The following SETD4 variants were observed in gnomAD, a reference collection of about 807,000 sequenced individuals.
The protein encoded by SETD4 is SET domain containing 4, also known as SET domain-containing protein 4.
Under a neutral mutation model 58.3 loss-of-function variants are expected in SETD4, and 46 were observed. The ratio of observed to expected loss-of-function variants is 0.79; its 90% CI spans 0.62 to 1.01. SETD4 has a LOEUF of 1.01. Among genes scored for constraint, SETD4 ranks in the 50% least tolerant of loss-of-function variants. The probability of loss-of-function intolerance (pLI) is 0.00; values close to 1 mark genes in which losing one functional copy is unlikely to be tolerated. For missense variants in SETD4, 490 were observed against 523.3 expected (o/e 0.94, Z 0.62); for synonymous variants, 190 against 202.6 (o/e 0.94, Z 0.53).
intron 8 of SETD4, among the ~76,000 whole-genome samples, chr21:36,041,083 C>A (rs1463539279): frequency 1.4e-5 from 2 of 139,984 alleles, no homozygotes; most frequent in African/African-American, 2.7e-5. Context: ...TGGCGTGAAC[C>A]CGGGAGGCAG....
intron 10 of SETD4, among the ~76,000 whole-genome samples, chr21:36,037,238 C>T (rs2063822326): frequency 6.6e-6 from 1 of 152,146 alleles, no homozygotes; most frequent in African/African-American, 2.4e-5. Flanking sequence ...CTTGATTTAG[C>T]CATCCACGAT....
rs1009140868 is a variant in SETD4 at position 36,034,942 on chromosome 21, G to A, written c.*1051C>T. The A allele has an allele frequency of 2.0e-5, 3 of 152,200 alleles. No individual in the cohort carries two copies. Among genetic ancestry groups the A allele is most frequent in the Non-Finnish European group, 4.4e-5 (3 of 68,026 alleles). 9.4% of individuals were successfully genotyped at this position (152,200 alleles called of 1,614,324 possible). A position where few individuals can be genotyped will look rare whatever the true frequency, so the allele number is the denominator to read the frequency against. Reference sequence around the variant, plus strand: ...AGTGTATATACAAACAGGGAAAGATGTTCAAGAAATCATGAGAAAGTTTTA... The same window carrying A: ...AGTGTATATACAAACAGGGAAAGATATTCAAGAAATCATGAGAAAGTTTTA... On this transcript the variant is annotated 3_prime_UTR_variant, in exon 12 of 12. Coordinates refer to ENST00000332131, the MANE Select transcript of SETD4 (RefSeq NM_017438.5).
Position 36,043,954 on chromosome 21 carries a change from T to C in SETD4, c.729A>G (p.Val243=), listed in dbSNP as rs1415816901. The change falls in exon 7 of 12, where the codon GTA becomes GTG. Residue 243 remains valine (V), a splice_region_variant and synonymous_variant. Coordinates refer to ENST00000332131, the MANE Select transcript of SETD4 (RefSeq NM_017438.5). ...DLLNHSPHVQ[V]KAAFNEETHS... Reference sequence around the variant, plus strand: ...GAGTTTCTTCATTAAACGCTGCTTTTACCTAGAAAGAAAAACTGTTAAGGT... The same window carrying C: ...GAGTTTCTTCATTAAACGCTGCTTTCACCTAGAAAGAAAAACTGTTAAGGT... 1.2e-6 allele frequency: 2 copies of C among 1,613,864 alleles called. No homozygotes were observed. Among genetic ancestry groups the C allele is most frequent in the East Asian group, 2.2e-5 (1 of 44,880 alleles).
rs781639967 is a variant in SETD4, at chr21:36,038,153, T to C, written c.1185A>G (p.Gln395=). 9.9e-6 allele frequency: 16 copies of C among 1,609,792 alleles called. No individual in the cohort carries two copies. In the East Asian group the frequency reaches 3.1e-4, roughly 31 times the overall value. Residue 395 remains glutamine, a synonymous_variant, in exon 10 of 12, where the codon CAA becomes CAG. Transcript: ENST00000332131. ...ATGTCATATTCTAGAAACATACCTT[T>C]TGAAGCACAGCATTAGTCTCTTCTA... ...YFIEETNAVL[Q]KVSHMKDEKE...
At chr21:36,043,543 T>G in intron 7 of SETD4, 1 of 1,345,208 alleles carries the variant, frequency 7.4e-7, no homozygotes, top group Non-Finnish European at 9.5e-7. Context: ...TTTCTTCCAT[T>G]CTATCTTCTG....
intron 2 of SETD4, among the ~76,000 whole-genome samples, chr21:36,058,518 A>G (rs1045067661): frequency 4.4e-5 from 6 of 137,500 alleles, no homozygotes; most frequent in Admixed American, 3.8e-4. Context: ...AAAAAAAAAA[A>G]AAAGAAAGAT....
intron 6 of SETD4, among the ~76,000 whole-genome samples, chr21:36,044,195 A>G (rs1433172022): frequency 1.3e-5 from 2 of 152,228 alleles, no homozygotes; most frequent in African/African-American, 4.8e-5. Flanking sequence ...CACCCGACAC[A>G]GCACAGATGA....
chr21:36,058,665 C>A, intron 2 of SETD4, 151 bp downstream of exon 2: 1 of 838,168 alleles, frequency 1.2e-6, no homozygotes, highest in South Asian at 2.1e-5. Flanking sequence ...TTGCAGTGAG[C>A]CAAGATGACA....
At chr21:36,046,797 C>T (rs528377026) in intron 5 of SETD4, among the ~76,000 whole-genome samples, 1 of 152,370 alleles carries the variant, frequency 6.6e-6, no homozygotes, top group African/African-American at 2.4e-5. Flanking sequence ...AATCCTTCGA[C>T]ATCCAGATTC....
intron 5 of SETD4, among the ~76,000 whole-genome samples, chr21:36,048,036 CAAGG>C (rs1157258824): frequency 2.5e-3 from 265 of 107,370 alleles, no homozygotes; most frequent in South Asian, 6.1e-3. Context: ...GAGAGAGAGA[CAAGG>C]AAGGAAGGAA....
chr21:36,036,154 G>A lies in SETD4; in HGVS notation c.1286C>T (p.Ala429Val), dbSNP rs1163999146. The change falls in exon 11 of 12, where the codon GCC (alanine) becomes GTC (valine). Residue 429 changes from alanine (A) to valine (V), a missense_variant. Transcript: ENST00000332131. The stretch of plus-strand genomic sequence containing the variant: ...TGTTTGCAAACTGTGCAGGGTCTCG[G>A]CAGATGCCCTGAGAATCTTTAGCTC... Reference protein sequence around the residue: ...TEELKILRASAETLHSLQTAF... With the variant: ...TEELKILRASVETLHSLQTAF... The A allele has an allele frequency of 1.2e-6, 2 of 1,614,024 alleles. No individual in the cohort carries two copies. Among genetic ancestry groups the A allele is most frequent in the South Asian group, 1.1e-5 (1 of 91,022 alleles).
chr21:36,046,061 G>A (rs372946187), intron 5 of SETD4, 50 bp from the exon 6 acceptor site: 187 of 1,574,282 alleles, frequency 1.2e-4, no homozygotes, highest in Non-Finnish European at 1.4e-4. Context: ...TTCAAAATAC[G>A]AAATAAGCCA....
intron 4 of SETD4, chr21:36,050,588 C>T: frequency 6.2e-7 from 1 of 1,613,570 alleles, no homozygotes; most frequent in Non-Finnish European, 8.5e-7. Context: ...AGTTGGCTGG[C>T]CATGGTGTTC....
chr21:36,050,919 G>A, intron 4 of SETD4: 3 of 1,610,588 alleles, frequency 1.9e-6, no homozygotes, highest in South Asian at 2.2e-5. Flanking sequence ...ATTAGGTGGT[G>A]TGGGGATGAT....
chr21:36,035,990 A>G lies in SETD4; in HGVS notation c.*33-30T>C. On this transcript the variant is annotated intron_variant, in intron 11 of 11. Coordinates refer to ENST00000332131, the MANE Select transcript of SETD4 (RefSeq NM_017438.5). ...AGGAAAAGCAAAAGGAAAAGGATTA[A>G]GTTCCTAATTGTTGAGTAGACACAA... The G allele has an allele frequency of 2.4e-6, 3 of 1,229,236 alleles. No individual in the cohort carries two copies. In the Admixed American group the frequency reaches 6.6e-5, roughly 27 times the overall value. 76.1% of individuals were successfully genotyped at this position (1,229,236 alleles called of 1,614,324 possible). A position where few individuals can be genotyped will look rare whatever the true frequency, so the allele number is the denominator to read the frequency against.
At chr21:36,054,930 C>G (rs1284837355) in intron 3 of SETD4, among the ~76,000 whole-genome samples, 1 of 151,788 alleles carries the variant, frequency 6.6e-6, no homozygotes, top group Non-Finnish European at 1.5e-5. Flanking sequence ...GCTCCTGGCT[C>G]ATGGTGGGAA....
intron 9 of SETD4, 62 bp from the exon 10 acceptor site, chr21:36,038,335 T>C (rs2835240): frequency 0.056 from 88,863 of 1,581,984 alleles, 2,910 homozygotes; most frequent in Non-Finnish European, 0.063. Context: ...ATTTTTTTGT[T>C]TCAGTGCAAC....
At chr21:36,056,230 A>G (rs1416046603) in intron 3 of SETD4, among the ~76,000 whole-genome samples, 1 of 152,214 alleles carries the variant, frequency 6.6e-6, no homozygotes, top group African/African-American at 2.4e-5. Flanking sequence ...CGTGTGGTAT[A>G]TGAGGAAGTT....
At chr21:36,044,206 G>C (rs1251619679) in intron 6 of SETD4, among the ~76,000 whole-genome samples, 1 of 152,188 alleles carries the variant, frequency 6.6e-6, no homozygotes, top group African/African-American at 2.4e-5. Flanking sequence ...GCACAGATGA[G>C]ATCATCAGCA....
Sources: allele counts gnomAD v4.1 joint callset (sites outside exome capture counted in the v4.1 genomes callset), GRCh38; gene constraint gnomAD v4.1.1; transcripts MANE v1.5; gene names NCBI Gene and HGNC (gene_info 2026-07-23, HGNC 2026-07-21).